TSGA10IP: variants seen among roughly 807,000 people sequenced by gnomAD.
The protein encoded by TSGA10IP is testis-specific protein 10-interacting protein.
A neutral mutation model predicts 63.2 loss-of-function variants in TSGA10IP; 64 were observed. That is an observed-to-expected ratio of 1.01 (90% CI 0.83 to 1.25). TSGA10IP has a LOEUF of 1.25. TSGA10IP is among the 50% of genes most tolerant of loss of function. The pLI is 0.00. For missense variants in TSGA10IP, 681 were observed against 710.1 expected, an observed-to-expected ratio of 0.96 and a Z score of 0.47; for synonymous variants, 316 against 298.3, an observed-to-expected ratio of 1.06 and a Z score of -0.61.
Position 65,946,887 on chromosome 11 carries a change from T to TG in TSGA10IP, c.159dup (p.Ser54GlufsTer3), listed in dbSNP as rs1239688573. 6.2e-7 allele frequency: 1 copy of TG among 1,613,684 alleles called. No homozygotes were observed. The highest frequency in any genetic ancestry group is 1.7e-5 in the Admixed American group (1 of 59,942). On this transcript the variant is annotated frameshift_variant, in exon 2 of 8. Coordinates refer to ENST00000532620, the Ensembl canonical transcript of TSGA10IP. LOFTEE classifies it high-confidence loss of function. ...CCTACTGTCTCTGCCCAGGGCTGCC[T>TG]GGGGAGTGGTGATGGTGTGCCAAAT...
intron 4 of TSGA10IP, among the ~76,000 whole-genome samples, chr11:65,951,643 C>A (rs1158894355): frequency 1.3e-5 from 2 of 151,494 alleles, no homozygotes; most frequent in African/African-American, 4.9e-5. Context: ...GCACAAGTGA[C>A]CCTCTCACCT....
At chr11:65,958,919 G>A (rs377057856) in exon 6 of TSGA10IP, 52 of 1,613,086 alleles carry the variant, frequency 3.2e-5, no homozygotes, top group South Asian at 1.4e-4. Context: ...AGTACCAGGC[G>A]GAGCTGCAAG....
intron 1 of TSGA10IP, 99 bp from the exon 2 acceptor site, chr11:65,946,781 A>G: frequency 7.1e-7 from 1 of 1,408,336 alleles, no homozygotes; most frequent in Non-Finnish European, 9.6e-7. Context: ...GGACCCAGCC[A>G]GGCCCAGCCA....
chr11:65,946,763 G>A (rs1854841394), intron 1 of TSGA10IP, 117 bp from the exon 2 acceptor site: 1 of 1,200,968 alleles, frequency 8.3e-7, no homozygotes, highest in Non-Finnish European at 1.2e-6. Context: ...GGTAACGAGG[G>A]CCCAGAGGGA....
intron 4 of TSGA10IP, among the ~76,000 whole-genome samples, chr11:65,948,668 C>CTGT (rs1050428574): frequency 3.3e-5 from 5 of 151,782 alleles, no homozygotes; most frequent in African/African-American, 1.2e-4. Flanking sequence ...GAGTGAGACA[C>CTGT]TGTCTCTAAA....
chr11:65,947,689 G>GCAGGGC (rs1035441769), exon 3 of TSGA10IP: 8 of 1,603,440 alleles, frequency 5.0e-6, no homozygotes, highest in Middle Eastern at 1.7e-4. Flanking sequence ...AGGGAGAAGT[G>GCAGGGC]CAGGGCCAGA....
intron 5 of TSGA10IP, among the ~76,000 whole-genome samples, chr11:65,954,132 C>T (rs1411583272): frequency 6.6e-6 from 1 of 151,644 alleles, no homozygotes; most frequent in African/African-American, 2.4e-5. Flanking sequence ...GCTGAAGAGT[C>T]GCGTTTTGTT....
chr11:65,957,182 C>T (rs1267566871), intron 5 of TSGA10IP, among the ~76,000 whole-genome samples: 6 of 152,016 alleles, frequency 3.9e-5, no homozygotes, highest in East Asian at 1.9e-4. Context: ...GACAAAGTCT[C>T]GCTCTGTCGC....
chr11:65,958,861 C>T, intron 5 of TSGA10IP, 22 bp from the exon 6 acceptor site: 1 of 1,603,456 alleles, frequency 6.2e-7, no homozygotes, highest in South Asian at 1.1e-5. Context: ...GTTAGCTGCA[C>T]AAAGGCCTGT....
At chr11:65,947,389 G>T in exon 3 of TSGA10IP, 1 of 1,613,042 alleles carries the variant, frequency 6.2e-7, no homozygotes, top group Non-Finnish European at 8.5e-7. Flanking sequence ...CTGGCAAAGG[G>T]GAGCTAGGAT....
chr11:65,953,852 C>G, intron 5 of TSGA10IP, 115 bp downstream of exon 5: 1 of 849,498 alleles, frequency 1.2e-6, no homozygotes, highest in Non-Finnish European at 1.7e-6. Flanking sequence ...GCTAACCAGG[C>G]CACTTCACCG....
chr11:65,955,222 G>C (rs1855003906), intron 5 of TSGA10IP, among the ~76,000 whole-genome samples: 1 of 152,030 alleles, frequency 6.6e-6, no homozygotes, highest in African/African-American at 2.4e-5. Flanking sequence ...TATGAATAAG[G>C]GGCTTTTGTT....
intron 4 of TSGA10IP, among the ~76,000 whole-genome samples, chr11:65,951,694 C>T (rs955080594): frequency 5.3e-5 from 8 of 150,030 alleles, no homozygotes; most frequent in Non-Finnish European, 1.0e-4. Flanking sequence ...CATGCCACCA[C>T]ATCCAGCTGA....
Position 65,947,310 on chromosome 11 carries a change from G to A in TSGA10IP, c.485G>A (p.Trp162Ter). The A allele has an allele frequency of 6.2e-7, 1 of 1,612,282 alleles. No individual in the cohort carries two copies. The highest frequency in any genetic ancestry group is 1.6e-4 in the Middle Eastern group (1 of 6,062). ...CTCCCAGAGGCCCATGGCTGCTGCT[G>A]GAAGACAGAGGCGCAAAACCTGAAG... Residue 162 changes from tryptophan (W) to a stop codon, truncating the protein, a stop_gained, in exon 3 of 8, where the codon TGG (tryptophan) becomes TAG (stop). Transcript: ENST00000532620. LOFTEE classifies it high-confidence loss of function.
rs1359373651 is a variant in TSGA10IP, at chr11:65,947,812, G to A, written c.987G>A (p.Gln329=). 1.9e-6 allele frequency: 3 copies of A among 1,564,626 alleles called. No homozygotes were observed. In the Admixed American group the frequency reaches 5.8e-5, roughly 30 times the overall value. Reference sequence around the variant, plus strand: ...TGGAGAAGCTGCACAGGCAGCTACAGAGAGACCTGGACTGTGGTGAGCGTG... The same window carrying A: ...TGGAGAAGCTGCACAGGCAGCTACAAAGAGACCTGGACTGTGGTGAGCGTG... Residue 329 remains glutamine, a synonymous_variant, in exon 3 of 8, where the codon CAG becomes CAA. Coordinates refer to ENST00000532620, the Ensembl canonical transcript of TSGA10IP.
chr11:65,959,126 C>G, intron 6 of TSGA10IP, 64 bp from the exon 7 acceptor site: 6 of 1,578,842 alleles, frequency 3.8e-6, no homozygotes, highest in Non-Finnish European at 5.2e-6. Flanking sequence ...CCTCAGTAAC[C>G]CGATCCCCAC....
intron 7 of TSGA10IP, 64 bp from the exon 8 acceptor site, chr11:65,959,753 A>G (rs1855084043): frequency 1.3e-6 from 2 of 1,503,064 alleles, no homozygotes; most frequent in East Asian, 5.0e-5. Context: ...CCACATTGTC[A>G]GTGGTTTCCT....
exon 3 of TSGA10IP, chr11:65,947,278 G>C: frequency 6.2e-7 from 1 of 1,612,044 alleles, no homozygotes; most frequent in Non-Finnish European, 8.5e-7. Flanking sequence ...GCAAGTCCAC[G>C]GCCAACCTCC....
intron 4 of TSGA10IP, among the ~76,000 whole-genome samples, chr11:65,949,975 C>A (rs2134870965): frequency 6.8e-6 from 1 of 147,508 alleles, no homozygotes; most frequent in South Asian, 2.3e-4. Flanking sequence ...GCCTCAGCAT[C>A]CCAAATGGCT....
Sources: gnomAD v4.1 joint callset for allele counts (sites outside exome capture counted in the v4.1 genomes callset) on GRCh38, gnomAD v4.1.1 for gene constraint, MANE v1.5 for transcripts, NCBI Gene and HGNC (gene_info 2026-07-23, HGNC 2026-07-21) for gene names.